The following GTPBP1 variants were observed in gnomAD, a reference collection of about 807,000 sequenced individuals.
The protein encoded by GTPBP1 is GTP-binding protein 1.
GTPBP1 carries 23 observed loss-of-function variants against 62.0 expected under a neutral mutation model. That is an observed-to-expected ratio of 0.37 (90% confidence interval 0.27 to 0.53). GTPBP1 has a LOEUF of 0.53. Ranked by LOEUF, GTPBP1 falls within the 20% of genes least tolerant of loss-of-function variation. The probability of loss-of-function intolerance (pLI) is 0.89; values close to 1 mark genes in which losing one functional copy is unlikely to be tolerated. For missense variants in GTPBP1, 640 were observed against 917.3 expected (o/e 0.70, Z 3.90); for synonymous variants, 344 against 364.4 (o/e 0.94, Z 0.64).
At position 38,726,922 on chromosome 22, in the gene GTPBP1, C is replaced by G. The variant is rs2092729705; in HGVS notation, c.1402-291C>G. On this transcript the variant is annotated intron_variant, in intron 8 of 11. Transcript: ENST00000216044. This position sits in a 1 kb window ranked among gnomAD's most constrained non-coding sequence, Gnocchi z 4.1. ...CAGGTCATGCCCACCTGTTGTTCCC[C>G]CTGAATGCTTGCCTGCCTTTGCTTC... Among the ~76,000 whole-genome samples, 1 of 152,182 alleles carries G rather than the reference C, an allele frequency of 6.6e-6. No homozygotes were observed. The highest frequency in any genetic ancestry group is 2.4e-5 in the African/African-American group (1 of 41,426).
chr22:38,730,734 AG>A lies in GTPBP1; in HGVS notation c.*34del. 1.6e-6 allele frequency: 2 copies of A among 1,256,532 alleles called. No homozygotes were observed. Among genetic ancestry groups the A allele is most frequent in the African/African-American group, 1.5e-5 (1 of 67,994 alleles). 77.8% of individuals were successfully genotyped at this position (1,256,532 alleles called of 1,614,324 possible). On this transcript the variant is annotated 3_prime_UTR_variant, in exon 12 of 12. Coordinates refer to ENST00000216044, the MANE Select transcript of GTPBP1 (RefSeq NM_004286.5). The surrounding 1 kb of genome is among the most constrained non-coding windows in gnomAD (Gnocchi z 5.6). ...TCCCCTGGCCCACCCTCACCACCCA[AG>A]GGGTCATCATCTCTGGCCACCACTC...
At chr22:38,709,932 A>G (rs1159249708) in intron 2 of GTPBP1, among the ~76,000 whole-genome samples, 1 of 152,240 alleles carries the variant, frequency 6.6e-6, no homozygotes, top group Non-Finnish European at 1.5e-5. Flanking sequence ...CAACAATCCC[A>G]GAGTATATTA....
At chr22:38,725,796 GAGA>G (rs1450088251) in intron 6 of GTPBP1, 1 of 578,020 alleles carries the variant, frequency 1.7e-6, no homozygotes, top group Non-Finnish European at 3.1e-6. Context: ...AACTGAGTGA[GAGA>G]AGAAGGCCTC....
chr22:38,726,546 C>T lies in GTPBP1; in HGVS notation c.1401+106C>T, dbSNP rs777375409. 9 of 975,122 alleles carry T rather than the reference C, an allele frequency of 9.2e-6. No homozygotes were observed. Among genetic ancestry groups the T allele is most frequent in the African/African-American group, 1.6e-5 (1 of 62,350 alleles). The allele number at this position is 975,122 out of a possible 1,614,324, so 60.4% of individuals were successfully genotyped here. On this transcript the variant is annotated intron_variant, in intron 8 of 11. Coordinates refer to ENST00000216044, the MANE Select transcript of GTPBP1 (RefSeq NM_004286.5). This position sits in a 1 kb window ranked among gnomAD's most constrained non-coding sequence, Gnocchi z 4.1. ...AGTCCTCATGGCTGCTCTGCAAGGT[C>T]GGGATTACTGGCTTCATTTTTACAG...
intron 2 of GTPBP1, 51 bp from the exon 3 acceptor site, chr22:38,715,856 C>G: frequency 6.7e-7 from 1 of 1,487,426 alleles, no homozygotes; most frequent in Non-Finnish European, 9.2e-7. Context: ...GGTTGGCAGG[C>G]TGGTTGGTCA....
intron 2 of GTPBP1, among the ~76,000 whole-genome samples, chr22:38,712,847 A>G (rs2092647725): frequency 6.6e-6 from 1 of 152,182 alleles, no homozygotes; most frequent in Admixed American, 6.5e-5. Context: ...GAAGGCTTTC[A>G]CAGCTCACTT....
intron 2 of GTPBP1, among the ~76,000 whole-genome samples, chr22:38,710,256 A>G (rs2092630598): frequency 6.6e-6 from 1 of 152,208 alleles, no homozygotes; most frequent in African/African-American, 2.4e-5. Context: ...TCTATTAAGT[A>G]TCTTCTAAGG....
At chr22:38,724,037 C>A (rs577377237) in intron 5 of GTPBP1, among the ~76,000 whole-genome samples, 4 of 152,140 alleles carry the variant, frequency 2.6e-5, no homozygotes, top group African/African-American at 9.6e-5. Context: ...GGAGGCAGGT[C>A]GTCTAGACAC....
In GTPBP1 at chr22:38,730,614, T is replaced by C. The variant is rs1262049847; in HGVS notation, c.1920T>C (p.Pro640=). The C allele has an allele frequency of 6.2e-7, 1 of 1,601,008 alleles. No homozygotes were observed. The highest frequency in any genetic ancestry group is 1.1e-5 in the South Asian group (1 of 90,972). Residue 640 remains proline, a splice_region_variant and synonymous_variant, in exon 12 of 12, where the codon CCT becomes CCC. Transcript: ENST00000216044. The surrounding 1 kb of genome is among the most constrained non-coding windows in gnomAD (Gnocchi z 5.6). The part of the protein sequence containing the change: ...PAASSNLQPQ[P]KPSSGGRRRG... Reference sequence around the variant, plus strand: ...CAAGCTCCTTCTCTCTCTTTCAGCCTAAGCCCAGCAGTGGAGGCCGGCGAC... The same window carrying C: ...CAAGCTCCTTCTCTCTCTTTCAGCCCAAGCCCAGCAGTGGAGGCCGGCGAC...
chr22:38,730,797 C>G lies in GTPBP1; in HGVS notation c.*93C>G. ...CAGAGCAGCTATGACCGCCACCCAG[C>G]CCTCCCGCTCAGGCCACAGCCGGAG... On this transcript the variant is annotated 3_prime_UTR_variant, in exon 12 of 12. Coordinates refer to ENST00000216044, the MANE Select transcript of GTPBP1 (RefSeq NM_004286.5). The surrounding 1 kb of genome is among the most constrained non-coding windows in gnomAD (Gnocchi z 5.6). The G allele has an allele frequency of 1.5e-6, 1 of 675,690 alleles. No individual in the cohort carries two copies. The allele number at this position is 675,690 out of a possible 1,614,324, so 41.9% of individuals were successfully genotyped here.
downstream of GTPBP1, chr22:38,738,263 C>T: frequency 6.2e-7 from 1 of 1,613,556 alleles, no homozygotes; most frequent in Non-Finnish European, 8.5e-7. This position sits in a 1 kb window ranked among gnomAD's most constrained non-coding sequence, Gnocchi z 6.6. Flanking sequence ...CTTCGTCAAA[C>T]CCCTGCAAAG....
downstream of GTPBP1, among the ~76,000 whole-genome samples, chr22:38,733,961 T>C (rs567297974): frequency 6.6e-6 from 1 of 152,302 alleles, no homozygotes; most frequent in African/African-American, 2.4e-5. Flanking sequence ...ATGTCTCCTT[T>C]GTTTAGATGG....
rs761514417 is a variant in GTPBP1, at chr22:38,730,596, C to G, written c.1918-16C>G. The stretch of plus-strand genomic sequence containing the variant: ...TGATGGGCCAGTGCTTCTCAAGCTC[C>G]TTCTCTCTCTTTCAGCCTAAGCCCA... On this transcript the variant is annotated splice_polypyrimidine_tract_variant and intron_variant, in intron 11 of 11. Coordinates refer to ENST00000216044, the MANE Select transcript of GTPBP1 (RefSeq NM_004286.5). This position sits in a 1 kb window ranked among gnomAD's most constrained non-coding sequence, Gnocchi z 5.6. 1.7e-5 allele frequency: 26 copies of G among 1,569,422 alleles called. No homozygotes were observed. Among genetic ancestry groups the G allele is most frequent in the Non-Finnish European group, 7.8e-6 (9 of 1,146,986 alleles).
At chr22:38,739,290 C>T (rs193261446), downstream of GTPBP1, 43 of 1,578,780 alleles carry the variant, frequency 2.7e-5, no homozygotes, top group East Asian at 2.2e-4. The surrounding 1 kb of genome is among the most constrained non-coding windows in gnomAD (Gnocchi z 6.7). Flanking sequence ...GCCAGGGGAC[C>T]GGCCATTGCG....
Position 38,731,748 on chromosome 22 carries a change from G to A in GTPBP1, c.*1044G>A, listed in dbSNP as rs1260718527. ...CCCCATCTTCCCTGAGCCAGGCTGA[G>A]ACTAGAACCCCATCTTCCCCACCAC... On this transcript the variant is annotated 3_prime_UTR_variant, in exon 12 of 12. Transcript: ENST00000216044. 6.6e-6 allele frequency: 1 copy of A among 152,490 alleles called. No individual in the cohort carries two copies. Among genetic ancestry groups the A allele is most frequent in the Non-Finnish European group, 1.5e-5 (1 of 68,258 alleles). The allele number at this position is 152,490 out of a possible 1,614,324, so 9.4% of individuals were successfully genotyped here.
intron 10 of GTPBP1, 30 bp from the exon 11 acceptor site, chr22:38,729,432 A>C (rs769723021): frequency 6.5e-7 from 1 of 1,541,704 alleles, no homozygotes; most frequent in South Asian, 1.2e-5. Context: ...CCGCAGCTCC[A>C]GCCTCAGCCT....
At chr22:38,733,945 G>A (rs772635599), downstream of GTPBP1, among the ~76,000 whole-genome samples, 2 of 152,230 alleles carry the variant, frequency 1.3e-5, no homozygotes, top group East Asian at 3.8e-4. Context: ...TTGGTGCTGC[G>A]TGGGGATGTC....
downstream of GTPBP1, chr22:38,739,815 A>G (rs780518239): frequency 1.1e-5 from 17 of 1,613,468 alleles, no homozygotes; most frequent in Non-Finnish European, 1.4e-5. The surrounding 1 kb of genome is among the most constrained non-coding windows in gnomAD (Gnocchi z 6.7). Context: ...TCTCTGCCAC[A>G]TGGGTGAGGA....
At chr22:38,719,628 GTT>G (rs747099709) in intron 4 of GTPBP1, among the ~76,000 whole-genome samples, 1 of 143,272 alleles carries the variant, frequency 7.0e-6, no homozygotes. Flanking sequence ...GTTTAGTTTG[GTT>G]TTTTTTTTTT....
Sources: allele counts gnomAD v4.1 joint callset (sites outside exome capture counted in the v4.1 genomes callset), GRCh38; gene constraint gnomAD v4.1.1; non-coding constraint Gnocchi (gnomAD v3.1); transcripts MANE v1.5; gene names NCBI Gene and HGNC (gene_info 2026-07-23, HGNC 2026-07-21).